The following MSR1 variants were observed in gnomAD, a reference collection of about 807,000 sequenced individuals.
MSR1 encodes macrophage scavenger receptor 1, also known as macrophage scavenger receptor types I and II.
In MSR1, 53 loss-of-function variants were observed where a neutral mutation model predicts 47.2. The ratio of observed to expected loss-of-function variants is 1.12; its 90% CI spans 0.90 to 1.41. The LOEUF is 1.41. Among genes scored for constraint, MSR1 ranks in the 40% most tolerant of loss-of-function variants. MSR1 has a pLI of 0.00. For synonymous variants in MSR1, 239 were observed against 185.6 expected (o/e 1.29, Z -2.34); for missense variants, 786 against 546.9 (o/e 1.44, Z -4.36).
At chr8:16,141,518 T>C (rs1800556249) in intron 8 of MSR1, among the ~76,000 whole-genome samples, 1 of 152,146 alleles carries the variant, frequency 6.6e-6, no homozygotes, top group African/African-American at 2.4e-5. Context: ...ATGACTGACA[T>C]ATTAACATAA....
At chr8:16,163,895 G>A (rs1209017843) in intron 5 of MSR1, among the ~76,000 whole-genome samples, 170 bp downstream of exon 5, 3 of 151,728 alleles carry the variant, frequency 2.0e-5, no homozygotes, top group East Asian at 1.9e-4. Context: ...ACTGGTTATC[G>A]TACCCTGTCT....
At chr8:16,186,446 C>G (rs900015578) in intron 1 of MSR1, among the ~76,000 whole-genome samples, 1 of 152,020 alleles carries the variant, frequency 6.6e-6, no homozygotes, top group Non-Finnish European at 1.5e-5. Flanking sequence ...CTAACAACAC[C>G]CCTGCTTAGA....
intron 8 of MSR1, among the ~76,000 whole-genome samples, chr8:16,137,321 TTATTTGG>T (rs1800415779): frequency 6.6e-6 from 1 of 152,150 alleles, no homozygotes; most frequent in Admixed American, 6.5e-5. Flanking sequence ...CTGAGAATGC[TTATTTGG>T]AATTTGATCT....
intron 6 of MSR1, among the ~76,000 whole-genome samples, chr8:16,153,179 A>T (rs951117821): frequency 6.6e-6 from 1 of 152,014 alleles, no homozygotes; most frequent in Non-Finnish European, 1.5e-5. Context: ...ATGGATGTAG[A>T]GATGGGGAAG....
At chr8:16,185,846 GAA>G (rs77751924) in intron 1 of MSR1, among the ~76,000 whole-genome samples, 2 of 125,416 alleles carry the variant, frequency 1.6e-5, no homozygotes, top group African/African-American at 2.9e-5. Context: ...CTTTTTTCAG[GAA>G]AAAAAAAAAA....
intron 2 of MSR1, among the ~76,000 whole-genome samples, chr8:16,176,702 C>T (rs193245979): frequency 6.6e-6 from 1 of 152,154 alleles, no homozygotes; most frequent in Admixed American, 6.5e-5. Context: ...TTAAATAGCT[C>T]TCAAACATTT....
intron 1 of MSR1, among the ~76,000 whole-genome samples, chr8:16,190,316 G>C (rs919557981): frequency 1.8e-4 from 28 of 152,080 alleles, no homozygotes; most frequent in Non-Finnish European, 2.4e-4. Context: ...CTGTCTTAGT[G>C]ATCTTTAAAA....
intron 7 of MSR1, among the ~76,000 whole-genome samples, chr8:16,148,692 C>T (rs1442833499): frequency 6.6e-6 from 1 of 151,962 alleles, no homozygotes; most frequent in Non-Finnish European, 1.5e-5. Flanking sequence ...ATCCGCCCAC[C>T]TCAGTGATCT....
intron 9 of MSR1, among the ~76,000 whole-genome samples, chr8:16,112,881 C>A (rs1271632162): frequency 6.8e-6 from 1 of 146,766 alleles, no homozygotes; most frequent in Admixed American, 6.8e-5. Flanking sequence ...ATATATATAT[C>A]TATGATTTCC....
chr8:16,146,382 A>C (rs1437188763), intron 7 of MSR1, among the ~76,000 whole-genome samples: 1 of 151,956 alleles, frequency 6.6e-6, no homozygotes, highest in Non-Finnish European at 1.5e-5. Context: ...GAAAAAAAAA[A>C]CCATATGAAA....
rs80065312 is a variant in MSR1, at chr8:16,191,838, G to C, written c.-5+760C>G. 9.9e-5 allele frequency among the ~76,000 whole-genome samples: 15 copies of C among 152,200 alleles called. No individual in the cohort carries two copies. In the East Asian group the frequency reaches 2.9e-3, roughly 29 times the overall value. ...TTATATGCTGTGTGAATCTTACTTAGTCTTCAAGATTAATCAGATTTCTAG... is the reference window on the plus strand; with the variant it reads ...TTATATGCTGTGTGAATCTTACTTACTCTTCAAGATTAATCAGATTTCTAG... On this transcript the variant is annotated intron_variant, in intron 1 of 9. Transcript: ENST00000262101.
At chr8:16,120,315 T>G in intron 9 of MSR1, 103 bp downstream of exon 9, 1 of 1,204,570 alleles carries the variant, frequency 8.3e-7, no homozygotes, top group East Asian at 2.4e-5. Flanking sequence ...AGGCAGAGGT[T>G]GCAGTGAGCC....
At chr8:16,117,152 T>C (rs1799894857) in intron 9 of MSR1, among the ~76,000 whole-genome samples, 1 of 152,118 alleles carries the variant, frequency 6.6e-6, no homozygotes, top group African/African-American at 2.4e-5. Context: ...CAAAGCTTCA[T>C]CTGTATTTAC....
At chr8:16,177,267 G>A (rs1358787793) in intron 2 of MSR1, among the ~76,000 whole-genome samples, 1 of 151,986 alleles carries the variant, frequency 6.6e-6, no homozygotes, top group African/African-American at 2.4e-5. Flanking sequence ...AAGTGATATT[G>A]GATTAGGGTG....
At chr8:16,124,242 G>A (rs985520262) in intron 8 of MSR1, among the ~76,000 whole-genome samples, 1 of 152,110 alleles carries the variant, frequency 6.6e-6, no homozygotes, top group African/African-American at 2.4e-5. Context: ...TTTCCTTGTT[G>A]AAAGAGTTTT....
intron 8 of MSR1, among the ~76,000 whole-genome samples, chr8:16,126,861 G>T (rs1800141232): frequency 6.6e-6 from 1 of 152,080 alleles, no homozygotes; most frequent in Non-Finnish European, 1.5e-5. Context: ...CCGGCCATAG[G>T]TATAATTTTG....
At chr8:16,165,245 C>T (rs937505387) in intron 4 of MSR1, among the ~76,000 whole-genome samples, 1 of 152,114 alleles carries the variant, frequency 6.6e-6, no homozygotes, top group African/African-American at 2.4e-5. Flanking sequence ...TTTTCTTCCT[C>T]TTACTGCGTA....
intron 8 of MSR1, among the ~76,000 whole-genome samples, chr8:16,128,570 C>A (rs1490913797): frequency 6.6e-6 from 1 of 152,076 alleles, no homozygotes; most frequent in African/African-American, 2.4e-5. Flanking sequence ...ATTTAAGCTA[C>A]TTTATCTGTG....
At chr8:16,181,524 T>C (rs142227055) in intron 1 of MSR1, among the ~76,000 whole-genome samples, 9 of 152,180 alleles carry the variant, frequency 5.9e-5, no homozygotes, top group African/African-American at 2.2e-4. Context: ...CTGGAAACCA[T>C]AATTCTCCGC....
Sources: gnomAD v4.1 joint callset for allele counts (sites outside exome capture counted in the v4.1 genomes callset) on GRCh38, gnomAD v4.1.1 for gene constraint, MANE v1.5 for transcripts, NCBI Gene and HGNC (gene_info 2026-07-23, HGNC 2026-07-21) for gene names.